The following CNTN4 variants were observed in gnomAD, a reference collection of about 807,000 sequenced individuals.
CNTN4 encodes contactin-4.
Under a neutral mutation model 122.5 loss-of-function variants are expected in CNTN4, and 77 were observed. The observed-to-expected ratio is 0.63, with a 90% CI of 0.52 to 0.76. The LOEUF (loss-of-function observed/expected upper bound fraction) is 0.76. Among genes scored for constraint, CNTN4 ranks in the 30% least tolerant of loss-of-function variants. CNTN4 has a pLI of 0.00. For synonymous variants in CNTN4, 512 were observed against 447.0 expected, an observed-to-expected ratio of 1.15 and a Z score of -1.83; for missense variants, 1,256 against 1,259.1, an observed-to-expected ratio of 1.00 and a Z score of 0.04.
chr3:2,828,711 C>CT (rs201278759), intron 7 of CNTN4, among the ~76,000 whole-genome samples: 1 of 152,140 alleles, frequency 6.6e-6, no homozygotes, highest in African/African-American at 2.4e-5. Flanking sequence ...TACTAGATAC[C>CT]TTTTTTAAAA....
chr3:2,143,148 T>C (rs1010411065), intron 2 of CNTN4, among the ~76,000 whole-genome samples: 2 of 152,232 alleles, frequency 1.3e-5, no homozygotes, highest in Non-Finnish European at 2.9e-5. Flanking sequence ...TTGGGGTTCA[T>C]GTTCATTTTA....
intron 7 of CNTN4, among the ~76,000 whole-genome samples, chr3:2,855,523 T>C (rs2093608755): frequency 6.6e-6 from 1 of 152,234 alleles, no homozygotes; most frequent in Admixed American, 6.5e-5. Flanking sequence ...GTTCTGCTGA[T>C]GGAGATGGAG....
chr3:2,547,518 G>A (rs927849163), intron 3 of CNTN4, among the ~76,000 whole-genome samples: 13 of 151,912 alleles, frequency 8.6e-5, no homozygotes, highest in Admixed American at 5.9e-4. Context: ...TGCCTACCTC[G>A]GCCTTCCAAA....
intron 2 of CNTN4, among the ~76,000 whole-genome samples, chr3:2,232,069 C>T (rs2039508616): frequency 6.6e-6 from 1 of 151,904 alleles, no homozygotes; most frequent in Admixed American, 6.6e-5. Context: ...TTTCTTAAAC[C>T]TTCGTGAATA....
chr3:2,340,710 T>TATATATATATATATAG, intron 3 of CNTN4, among the ~76,000 whole-genome samples: 38 of 18,300 alleles, frequency 2.1e-3, no homozygotes, highest in African/African-American at 3.4e-3. Context: ...TATATATATA[T>TATATATATATATATAG]AGAGAGAGAG....
intron 2 of CNTN4, among the ~76,000 whole-genome samples, chr3:2,337,071 T>C (rs999229153): frequency 2.0e-5 from 3 of 152,106 alleles, no homozygotes; most frequent in Non-Finnish European, 4.4e-5. Flanking sequence ...AAAGGAGATA[T>C]TGTTTCAGAG....
intron 3 of CNTN4, among the ~76,000 whole-genome samples, chr3:2,435,986 T>C (rs1228566323): frequency 6.6e-6 from 1 of 152,180 alleles, no homozygotes; most frequent in East Asian, 1.9e-4. Flanking sequence ...AAAAAACTGT[T>C]TATATCTCTA....
intron 3 of CNTN4, among the ~76,000 whole-genome samples, chr3:2,387,523 G>A (rs1174616828): frequency 6.6e-6 from 1 of 151,902 alleles, no homozygotes; most frequent in Non-Finnish European, 1.5e-5. Flanking sequence ...CTTTTTTATT[G>A]TTTAAGAAAT....
intron 14 of CNTN4, among the ~76,000 whole-genome samples, chr3:2,997,679 T>A (rs1695654537): frequency 6.6e-6 from 1 of 152,210 alleles, no homozygotes; most frequent in South Asian, 2.1e-4. Flanking sequence ...ATTTTCATCA[T>A]CTCTCTCTGA....
intron 14 of CNTN4, among the ~76,000 whole-genome samples, chr3:3,004,233 A>G (rs929397182): frequency 6.6e-6 from 1 of 151,990 alleles, no homozygotes; most frequent in Non-Finnish European, 1.5e-5. Context: ...GATGTCCTAG[A>G]TGTCCTAGAG....
At chr3:2,707,341 C>G (rs2086802929) in intron 4 of CNTN4, among the ~76,000 whole-genome samples, 1 of 151,706 alleles carries the variant, frequency 6.6e-6, no homozygotes, top group Admixed American at 6.6e-5. Context: ...AAAACTTCAC[C>G]TACAATTTGG....
rs1013766866 is a variant in CNTN4, at chr3:2,615,198, T to G, written c.55+43640T>G. Reference sequence around the variant, plus strand: ...GGACACAATTGTTAAATAGTCTGTATCATATTAATTAGGCTCTGAAACAAA... The same window carrying G: ...GGACACAATTGTTAAATAGTCTGTAGCATATTAATTAGGCTCTGAAACAAA... On this transcript the variant is annotated intron_variant, in intron 4 of 24. Coordinates refer to ENST00000418658, the MANE Select transcript of CNTN4 (RefSeq NM_175607.3). 1.6e-4 allele frequency among the ~76,000 whole-genome samples: 25 copies of G among 152,328 alleles called. 1 individual carries two copies. Among genetic ancestry groups the G allele is most frequent in the African/African-American group, 6.0e-4 (25 of 41,578 alleles).
In CNTN4 at chr3:2,534,855, C is replaced by T. The variant is rs544646130; in HGVS notation, c.-88-36561C>T. On this transcript the variant is annotated intron_variant, in intron 3 of 24. Coordinates refer to ENST00000418658, the MANE Select transcript of CNTN4 (RefSeq NM_175607.3). Reference sequence around the variant, plus strand: ...GCTGCTGTTGCTGTTATTGTTGCTGCGGTTGTTGTGGTTGTGTGAGTTTAG... The same window carrying T: ...GCTGCTGTTGCTGTTATTGTTGCTGTGGTTGTTGTGGTTGTGTGAGTTTAG... Among the ~76,000 whole-genome samples, 242 of 138,110 alleles carry T rather than the reference C, an allele frequency of 1.8e-3. 1 individual carries two copies. Among genetic ancestry groups the T allele is most frequent in the African/African-American group, 6.0e-3 (223 of 37,264 alleles). The allele number at this position is 138,110 out of a possible 152,430, so 90.6% of individuals were successfully genotyped here. A position where few individuals can be genotyped will look rare whatever the true frequency, so the allele number is the denominator to read the frequency against.
intron 2 of CNTN4, among the ~76,000 whole-genome samples, chr3:2,179,995 C>T (rs1177000628): frequency 2.0e-5 from 3 of 151,244 alleles, no homozygotes; most frequent in African/African-American, 7.3e-5. Flanking sequence ...ACTTATAGCA[C>T]ATCTCAATTC....
chr3:2,409,669 C>T (rs2047163575), intron 3 of CNTN4, among the ~76,000 whole-genome samples: 1 of 151,928 alleles, frequency 6.6e-6, no homozygotes, highest in Admixed American at 6.6e-5. Context: ...TTTTCTGATC[C>T]CATTTTAATC....
Position 2,180,041 on chromosome 3 carries a change from GTAGCTT to G in CNTN4, c.-145+79403_-145+79408del, listed in dbSNP as rs1201643926. Among the ~76,000 whole-genome samples, 246 of 151,958 alleles carry G rather than the reference GTAGCTT, an allele frequency of 1.6e-3. 1 individual carries two copies. Among genetic ancestry groups the G allele is most frequent in the African/African-American group, 5.8e-3 (240 of 41,518 alleles). The stretch of plus-strand genomic sequence containing the variant: ...CATTTCAAGGGCTCCATAGCCATAG[GTAGCTT>G]ATGGCTGCTGAATTAGATGGTGCAT... On this transcript the variant is annotated intron_variant, in intron 2 of 24. Transcript: ENST00000418658.
chr3:2,410,335 G>T (rs1363849654), intron 3 of CNTN4, among the ~76,000 whole-genome samples: 1 of 152,146 alleles, frequency 6.6e-6, no homozygotes, highest in African/African-American at 2.4e-5. Context: ...TTTAGATAAA[G>T]ATTGTTACAG....
intron 3 of CNTN4, among the ~76,000 whole-genome samples, chr3:2,391,050 C>A (rs1198086262): frequency 6.6e-6 from 1 of 152,162 alleles, no homozygotes; most frequent in African/African-American, 2.4e-5. Context: ...AATAGCTGGA[C>A]TGTAATGGGG....
Position 2,384,392 on chromosome 3 carries a change from C to T in CNTN4, c.-89+45159C>T, listed in dbSNP as rs116817429. On this transcript the variant is annotated intron_variant, in intron 3 of 24. Coordinates refer to ENST00000418658, the MANE Select transcript of CNTN4 (RefSeq NM_175607.3). Reference sequence around the variant, plus strand: ...CTTACCATCTTACCTCTTCCAAAGTCGCCTAATTACTCGCAGCACATAAAT... The same window carrying T: ...CTTACCATCTTACCTCTTCCAAAGTTGCCTAATTACTCGCAGCACATAAAT... Among the ~76,000 whole-genome samples, 741 of 152,160 alleles carry T rather than the reference C, an allele frequency of 4.9e-3. 1 individual carries two copies. The highest frequency in any genetic ancestry group is 0.015 in the African/African-American group (603 of 41,492).
Sources: gnomAD v4.1 joint callset for allele counts (sites outside exome capture counted in the v4.1 genomes callset) on GRCh38, gnomAD v4.1.1 for gene constraint, MANE v1.5 for transcripts, NCBI Gene and HGNC (gene_info 2026-07-23, HGNC 2026-07-21) for gene names.